Variants in FRAS1 observed in about 807,000 individuals in gnomAD.
FRAS1 encodes the protein Fraser extracellular matrix complex subunit 1.
A neutral mutation model predicts 435.2 loss-of-function variants in FRAS1; 290 were observed. That is an observed-to-expected ratio of 0.67 (90% CI 0.61 to 0.73). FRAS1 has a LOEUF of 0.73. Ranked by LOEUF, FRAS1 falls within the 30% of genes least tolerant of loss-of-function variation. The pLI, the probability that FRAS1 is intolerant of heterozygous loss-of-function variation, is 0.00. For missense variants in FRAS1, 4,860 were observed against 5,001.5 expected (o/e 0.97, Z 0.85); for synonymous variants, 1,800 against 1,851.0 (o/e 0.97, Z 0.71).
At chr4:78,206,351 G>A (rs72657007) in intron 2 of FRAS1, among the ~76,000 whole-genome samples, 2 of 152,296 alleles carry the variant, frequency 1.3e-5, no homozygotes, top group Non-Finnish European at 2.9e-5. Context: ...GGAAGGGCAA[G>A]GAGACAGGTT....
intron 2 of FRAS1, among the ~76,000 whole-genome samples, chr4:78,202,595 G>A (rs1182926326): frequency 6.6e-6 from 1 of 152,186 alleles, no homozygotes; most frequent in East Asian, 1.9e-4. Flanking sequence ...GGAGGCTGAG[G>A]CAGGATAATC....
intron 4 of FRAS1, among the ~76,000 whole-genome samples, chr4:78,246,922 T>C (rs1725273843): frequency 6.6e-6 from 1 of 152,226 alleles, no homozygotes; most frequent in South Asian, 2.1e-4. Context: ...CAATATTTTC[T>C]ATATTTTTAC....
At chr4:78,151,544 C>A (rs1720661580) in intron 2 of FRAS1, among the ~76,000 whole-genome samples, 1 of 152,036 alleles carries the variant, frequency 6.6e-6, no homozygotes, top group African/African-American at 2.4e-5. Context: ...TGAAACCCAT[C>A]ATTTTGGTAG....
chr4:78,286,052 G>C (rs1386525418), intron 13 of FRAS1, among the ~76,000 whole-genome samples: 1 of 150,718 alleles, frequency 6.6e-6, no homozygotes, highest in African/African-American at 2.5e-5. Context: ...AAGAGGAAAA[G>C]AACATAGACT....
chr4:78,205,934 T>G (rs1723236193), intron 2 of FRAS1, among the ~76,000 whole-genome samples: 1 of 152,038 alleles, frequency 6.6e-6, no homozygotes, highest in Non-Finnish European at 1.5e-5. Context: ...TGTTGGGTTC[T>G]TGGACAGACC....
In FRAS1 at chr4:78,339,594, T is replaced by C. The variant is rs192291235; in HGVS notation, c.2422+1777T>C. On this transcript the variant is annotated intron_variant, in intron 20 of 73. Coordinates refer to ENST00000512123, the MANE Select transcript of FRAS1 (RefSeq NM_025074.7). ...TGAGACAGAGGGAGATCTGGTGGGC[T>C]TTCTGAGCATGGTTTCACCAGGAGA... 1.8e-3 allele frequency among the ~76,000 whole-genome samples: 270 copies of C among 152,318 alleles called. 1 individual carries two copies. Among genetic ancestry groups the C allele is most frequent in the African/African-American group, 6.3e-3 (260 of 41,550 alleles).
chr4:78,331,948 A>G (rs345497), intron 18 of FRAS1, among the ~76,000 whole-genome samples: 113,948 of 152,122 alleles, frequency 0.75, 43,242 homozygotes, highest in African/African-American at 0.84. Flanking sequence ...ATAGCATAAA[A>G]GGCCACAAAG....
At chr4:78,516,356 A>G (rs1018800737) in intron 66 of FRAS1, among the ~76,000 whole-genome samples, 14 of 152,226 alleles carry the variant, frequency 9.2e-5, no homozygotes, top group African/African-American at 3.1e-4. Flanking sequence ...GGTTATTACT[A>G]CATTGATATA....
intron 14 of FRAS1, among the ~76,000 whole-genome samples, chr4:78,299,979 A>G (rs1000628614): frequency 3.9e-5 from 6 of 152,156 alleles, no homozygotes; most frequent in Non-Finnish European, 7.4e-5. Flanking sequence ...TTGAATGTTG[A>G]TATATCAGCT....
chr4:78,058,033 C>T lies in FRAS1; in HGVS notation c.24C>T (p.Leu8=), dbSNP rs1327442931. The part of the protein sequence containing the change: MGVLKVW[L]GLALALAEFA... ...CGATGGGTGTCCTCAAAGTGTGGCT[C>T]GGGCTGGCCCTAGCGTTGGCGGAAT... Residue 8 remains leucine (L), a synonymous_variant, in exon 1 of 74, where the codon CTC becomes CTT. Coordinates refer to ENST00000512123, the MANE Select transcript of FRAS1 (RefSeq NM_025074.7). The T allele has an allele frequency of 1.2e-5, 19 of 1,613,968 alleles. No individual in the cohort carries two copies. The highest frequency in any genetic ancestry group is 1.6e-5 in the Non-Finnish European group (19 of 1,179,880).
At chr4:78,465,574 A>C (rs963412504) in intron 49 of FRAS1, among the ~76,000 whole-genome samples, 1 of 152,260 alleles carries the variant, frequency 6.6e-6, no homozygotes, top group South Asian at 2.1e-4. Context: ...GATCAAGTGC[A>C]CTTAGACTCT....
At chr4:78,483,788 A>C (rs1430913945) in intron 58 of FRAS1, among the ~76,000 whole-genome samples, 1 of 95,334 alleles carries the variant, frequency 1.0e-5, no homozygotes, top group African/African-American at 3.4e-5. Context: ...CTCTCTATAT[A>C]TATATATATA....
At position 78,267,530 on chromosome 4, in the gene FRAS1, A is replaced by T. The variant is rs1299344863; in HGVS notation, c.981+98A>T. ...TCTTTACTTCTTGGCAGCAGCAGGG[A>T]TGTCCACATTGACTTCTCACACTTC... On this transcript the variant is annotated intron_variant, in intron 9 of 73. Transcript: ENST00000512123. The T allele has an allele frequency of 8.0e-6, 9 of 1,122,724 alleles. No individual in the cohort carries two copies. In the South Asian group the frequency reaches 1.2e-4, roughly 16 times the overall value. 69.5% of individuals were successfully genotyped at this position (1,122,724 alleles called of 1,614,324 possible).
chr4:78,214,529 G>A (rs1723664637), intron 2 of FRAS1, among the ~76,000 whole-genome samples: 1 of 152,100 alleles, frequency 6.6e-6, no homozygotes, highest in South Asian at 2.1e-4. Flanking sequence ...AATTTTTAAA[G>A]CAAATCCTTC....
chr4:78,088,564 A>G (rs1741330213), intron 2 of FRAS1, among the ~76,000 whole-genome samples: 1 of 151,212 alleles, frequency 6.6e-6, no homozygotes. Flanking sequence ...TCTACAATGA[A>G]CTCAAACAAA....
intron 40 of FRAS1, 53 bp downstream of exon 40, chr4:78,439,117 G>A (rs926937503): frequency 4.8e-5 from 68 of 1,429,812 alleles, no homozygotes; most frequent in Middle Eastern, 1.7e-4. Context: ...GCTGGAATCC[G>A]TAGTAATGTA....
At chr4:78,396,721 T>A (rs1732685526) in intron 29 of FRAS1, among the ~76,000 whole-genome samples, 1 of 152,216 alleles carries the variant, frequency 6.6e-6, no homozygotes, top group African/African-American at 2.4e-5. Context: ...ATTTTTGTTG[T>A]TATTACTCCT....
intron 20 of FRAS1, among the ~76,000 whole-genome samples, chr4:78,359,325 G>A (rs1013911810): frequency 1.3e-5 from 2 of 152,112 alleles, no homozygotes; most frequent in Non-Finnish European, 2.9e-5. Flanking sequence ...TAATCCTCAA[G>A]CCCTTGTTGC....
chr4:78,354,580 T>A (rs1730775887), intron 20 of FRAS1, among the ~76,000 whole-genome samples: 1 of 152,186 alleles, frequency 6.6e-6, no homozygotes, highest in South Asian at 2.1e-4. Flanking sequence ...GAATTCAAAT[T>A]CTATGCCCTT....
Sources: allele counts gnomAD v4.1 joint callset (sites outside exome capture counted in the v4.1 genomes callset), GRCh38; gene constraint gnomAD v4.1.1; transcripts MANE v1.5; gene names NCBI Gene and HGNC (gene_info 2026-07-23, HGNC 2026-07-21).